Variants in HYDIN observed in about 807,000 individuals in gnomAD.
HYDIN encodes axonemal central pair apparatus protein HYDIN.
Under a neutral mutation model 403.9 loss-of-function variants are expected in HYDIN, and 132 were observed. That is an observed-to-expected ratio of 0.33 (90% CI 0.28 to 0.38). The LOEUF is 0.38. Ranked by LOEUF, HYDIN falls within the 10% of genes least tolerant of loss-of-function variation. The probability of loss-of-function intolerance (pLI) is 1.00; values close to 1 mark genes in which losing one functional copy is unlikely to be tolerated. For missense variants in HYDIN, 2,827 were observed against 5,009.5 expected, an observed-to-expected ratio of 0.56 and a Z score of 13.15; for synonymous variants, 1,202 against 1,891.7, an observed-to-expected ratio of 0.64 and a Z score of 9.46.
intron 1 of HYDIN, among the ~76,000 whole-genome samples, chr16:71,212,680 A>C (rs556579256): frequency 7.9e-5 from 12 of 152,318 alleles, no homozygotes; most frequent in Admixed American, 7.2e-4. Context: ...AGACAAAAAA[A>C]GTAAACAAGT....
chr16:71,071,583 C>A (rs143876066), intron 13 of HYDIN, among the ~76,000 whole-genome samples: 250 of 150,668 alleles, frequency 1.7e-3, no homozygotes, highest in Non-Finnish European at 2.9e-3. Context: ...GATCTTTCTC[C>A]CAATACTTGT....
chr16:70,848,981 T>C (rs2038417346), intron 75 of HYDIN, among the ~76,000 whole-genome samples: 1 of 151,510 alleles, frequency 6.6e-6, no homozygotes, highest in African/African-American at 2.4e-5. Flanking sequence ...TTACAACTGA[T>C]TGTTTTTGAG....
Position 70,804,850 on chromosome 16 carries a change from T to C in HYDIN, c.*2730A>G, listed in dbSNP as rs1194598409. The stretch of plus-strand genomic sequence containing the variant: ...CCTGATCACTTTTATAAAATGTATA[T>C]GGACAGCTTCAGTGGCTTGGGGAAG... On this transcript the variant is annotated 3_prime_UTR_variant, in exon 86 of 86. Coordinates refer to ENST00000393567, the MANE Select transcript of HYDIN (RefSeq NM_001270974.2). Among the ~76,000 whole-genome samples, 1 of 152,228 alleles carries C rather than the reference T, an allele frequency of 6.6e-6. No individual in the cohort carries two copies. Among genetic ancestry groups the C allele is most frequent in the South Asian group, 2.1e-4 (1 of 4,836 alleles).
intron 53 of HYDIN, among the ~76,000 whole-genome samples, chr16:70,898,747 A>AT (rs59170316): frequency 0.021 from 3,006 of 145,386 alleles, 46 homozygotes; most frequent in Middle Eastern, 0.092. Flanking sequence ...CAGTTCAAGT[A>AT]TTTTTTTTTT....
At chr16:70,825,202 C>T (rs1446123741) in intron 83 of HYDIN, among the ~76,000 whole-genome samples, 4 of 152,176 alleles carry the variant, frequency 2.6e-5, no homozygotes, top group Non-Finnish European at 4.4e-5. Flanking sequence ...TTTAGTGTTG[C>T]CACAAGAAGT....
chr16:70,904,495 T>C (rs1321505388), intron 50 of HYDIN, among the ~76,000 whole-genome samples: 1 of 57,180 alleles, frequency 1.7e-5, no homozygotes, highest in African/African-American at 6.9e-5. Context: ...TTTTTTTTTT[T>C]TTTTTTTTTT....
intron 6 of HYDIN, among the ~76,000 whole-genome samples, chr16:71,154,277 T>C (rs1160598772): frequency 6.6e-6 from 1 of 151,546 alleles, no homozygotes; most frequent in African/African-American, 2.4e-5. Context: ...AAAAATTTAC[T>C]TTTTGTGGGT....
At chr16:70,981,117 G>A (rs962038259) in intron 29 of HYDIN, among the ~76,000 whole-genome samples, 4 of 151,960 alleles carry the variant, frequency 2.6e-5, no homozygotes, top group African/African-American at 7.3e-5. Flanking sequence ...AAAGTGCATG[G>A]GGGAGGAAAA....
intron 41 of HYDIN, among the ~76,000 whole-genome samples, chr16:70,945,182 G>A (rs1487463840): frequency 1.3e-5 from 2 of 152,218 alleles, no homozygotes; most frequent in Non-Finnish European, 2.9e-5. Context: ...TGACTGAGAC[G>A]AAAATGGTGG....
chr16:71,208,912 G>A (rs964868116), intron 1 of HYDIN, among the ~76,000 whole-genome samples: 2 of 151,948 alleles, frequency 1.3e-5, no homozygotes, highest in Non-Finnish European at 1.5e-5. Context: ...AATAGCCTAC[G>A]AACCAAAGAA....
chr16:71,098,357 A>G (rs1043677800), intron 10 of HYDIN, among the ~76,000 whole-genome samples: 6 of 151,430 alleles, frequency 4.0e-5, no homozygotes, highest in Non-Finnish European at 8.8e-5. Flanking sequence ...GCCCGCCACC[A>G]CGCCCGGCTA....
rs965113656 is a variant in HYDIN at position 70,884,041 on chromosome 16, G to A, written c.9858C>T (p.Asp3286=). 1.6e-5 allele frequency: 26 copies of A among 1,614,088 alleles called. No individual in the cohort carries two copies. Among genetic ancestry groups the A allele is most frequent in the Non-Finnish European group, 2.2e-5 (26 of 1,180,016 alleles). The change falls in exon 59 of 86, where the codon GAC becomes GAT. Residue 3286 remains aspartate (D), a synonymous_variant. Transcript: ENST00000393567. ...ACTTTCCCATGGCGTCAGCCACACA[G>A]TCAACGTTGATGACCTGCTGTCCTC... ...PSGGQQVINV[D]CVADAMGKCE...
chr16:71,002,023 C>A (rs1188438350), intron 23 of HYDIN, among the ~76,000 whole-genome samples: 1 of 152,204 alleles, frequency 6.6e-6, no homozygotes, highest in Non-Finnish European at 1.5e-5. Context: ...AATACCTGCT[C>A]ATTCTTCTCT....
chr16:71,017,335 A>G (rs2080296354), intron 23 of HYDIN, among the ~76,000 whole-genome samples: 1 of 136,352 alleles, frequency 7.3e-6, no homozygotes, highest in East Asian at 2.2e-4. Context: ...GGGCGACAAG[A>G]GCGAAACTCT....
chr16:70,807,228 T>G lies in HYDIN; in HGVS notation c.*352A>C. 4.7e-6 allele frequency: 1 copy of G among 212,564 alleles called. No individual in the cohort carries two copies. The highest frequency in any genetic ancestry group is 9.4e-6 in the Non-Finnish European group (1 of 105,852). 13.2% of individuals were successfully genotyped at this position (212,564 alleles called of 1,614,324 possible). The stretch of plus-strand genomic sequence containing the variant: ...AACTGCAGTACCCAGCGTCACGCAT[T>G]GCTAAGTGTTGTAGAGTAGAAGGTC... On this transcript the variant is annotated 3_prime_UTR_variant, in exon 86 of 86. Coordinates refer to ENST00000393567, the MANE Select transcript of HYDIN (RefSeq NM_001270974.2).
chr16:70,905,736 C>T (rs1035904418), intron 50 of HYDIN, among the ~76,000 whole-genome samples: 10 of 151,868 alleles, frequency 6.6e-5, no homozygotes, highest in African/African-American at 2.4e-4. Context: ...GTCCTTCCCA[C>T]ATCAGTGTCA....
At chr16:70,901,889 T>C (rs1429276749) in intron 52 of HYDIN, among the ~76,000 whole-genome samples, 2 of 152,168 alleles carry the variant, frequency 1.3e-5, no homozygotes, top group African/African-American at 2.4e-5. Context: ...CGGCCAAGCA[T>C]ATGATTTTTA....
rs1342716204 is a variant in HYDIN at position 70,807,841 on chromosome 16, C to T, written c.15105G>A (p.Gly5035=). 5 of 1,614,030 alleles carry T rather than the reference C, an allele frequency of 3.1e-6. No individual in the cohort carries two copies. Among genetic ancestry groups the T allele is most frequent in the African/African-American group, 2.7e-5 (2 of 74,922 alleles). ...KPQGPFSIRA[G]YSIIIPFKNV... Reference sequence around the variant, plus strand: ...TCTTGAAGGGGATGATTATGCTGTACCCGGCTCGGATCGAGAAGGGACCTT... The same window carrying T: ...TCTTGAAGGGGATGATTATGCTGTATCCGGCTCGGATCGAGAAGGGACCTT... The change falls in exon 86 of 86, where the codon GGG becomes GGA. Residue 5035 remains glycine (G), a synonymous_variant. Coordinates refer to ENST00000393567, the MANE Select transcript of HYDIN (RefSeq NM_001270974.2).
intron 84 of HYDIN, among the ~76,000 whole-genome samples, chr16:70,812,089 G>A (rs1311733118): frequency 1.1e-5 from 1 of 91,680 alleles, no homozygotes; most frequent in Non-Finnish European, 2.2e-5. Context: ...GCATAAAGTT[G>A]ATACCAAAAT....
Sources: gnomAD v4.1 joint callset for allele counts (sites outside exome capture counted in the v4.1 genomes callset) on GRCh38, gnomAD v4.1.1 for gene constraint, MANE v1.5 for transcripts, NCBI Gene and HGNC (gene_info 2026-07-23, HGNC 2026-07-21) for gene names.